Variants in PTPRM observed in about 807,000 individuals in gnomAD.
The protein encoded by PTPRM is protein tyrosine phosphatase receptor type M.
In PTPRM, 47 loss-of-function variants were observed where a neutral mutation model predicts 186.7. The observed-to-expected ratio is 0.25, with a 90% CI of 0.20 to 0.32. The LOEUF is 0.32. Among genes scored for constraint, PTPRM ranks in the 10% least tolerant of loss-of-function variants. PTPRM has a pLI of 1.00. For missense variants in PTPRM, 1,494 were observed against 1,865.0 expected (o/e 0.80, Z 3.66); for synonymous variants, 668 against 674.9 (o/e 0.99, Z 0.16).
chr18:7,898,132 T>G (rs1469830688), intron 3 of PTPRM, among the ~76,000 whole-genome samples: 1 of 152,244 alleles, frequency 6.6e-6, no homozygotes, highest in Non-Finnish European at 1.5e-5. Flanking sequence ...TCTTTAATAT[T>G]AAAGAAACTT....
At chr18:7,792,475 C>A (rs887084473) in intron 2 of PTPRM, among the ~76,000 whole-genome samples, 2 of 152,044 alleles carry the variant, frequency 1.3e-5, no homozygotes, top group Non-Finnish European at 2.9e-5. Flanking sequence ...GTCTATCATC[C>A]CTCTGAAAAC....
chr18:7,721,096 A>G (rs1349994226), intron 1 of PTPRM, among the ~76,000 whole-genome samples: 9 of 151,888 alleles, frequency 5.9e-5, no homozygotes, highest in Non-Finnish European at 1.3e-4. Flanking sequence ...CAATAGTGTG[A>G]AAGGGTTCCG....
chr18:7,666,657 A>G (rs2039103155), intron 1 of PTPRM, among the ~76,000 whole-genome samples: 1 of 152,234 alleles, frequency 6.6e-6, no homozygotes, highest in Non-Finnish European at 1.5e-5. Flanking sequence ...TAGTCAGTAT[A>G]TCAGGAATAC....
intron 1 of PTPRM, among the ~76,000 whole-genome samples, chr18:7,648,240 G>A (rs2038611718): frequency 6.6e-6 from 1 of 152,112 alleles, no homozygotes; most frequent in African/African-American, 2.4e-5. Context: ...ATTGATAAAT[G>A]TGTGCTTTTC....
intron 7 of PTPRM, among the ~76,000 whole-genome samples, chr18:7,993,174 C>G (rs1041493321): frequency 6.6e-6 from 1 of 151,524 alleles, no homozygotes; most frequent in Non-Finnish European, 1.5e-5. Context: ...ATAACCCAGT[C>G]AGACATAAAT....
chr18:8,115,506 C>T (rs1311790454), intron 13 of PTPRM, among the ~76,000 whole-genome samples: 3 of 151,998 alleles, frequency 2.0e-5, no homozygotes, highest in African/African-American at 7.3e-5. Flanking sequence ...TTGTTTTAAC[C>T]GTCACATACA....
At chr18:7,595,416 T>C (rs562866487) in intron 1 of PTPRM, among the ~76,000 whole-genome samples, 1 of 152,202 alleles carries the variant, frequency 6.6e-6, no homozygotes, top group Non-Finnish European at 1.5e-5. Context: ...GAGGATGGAA[T>C]GGCTTTTTTA....
At chr18:8,151,692 GAAAAAA>G (rs1242594668) in intron 14 of PTPRM, among the ~76,000 whole-genome samples, 2 of 105,262 alleles carry the variant, frequency 1.9e-5, no homozygotes, top group Admixed American at 1.0e-4. Flanking sequence ...CTGGGGTATG[GAAAAAA>G]AAAAAAAAAA....
At chr18:7,877,169 T>G (rs1435357343) in intron 2 of PTPRM, among the ~76,000 whole-genome samples, 1 of 152,204 alleles carries the variant, frequency 6.6e-6, no homozygotes, top group Non-Finnish European at 1.5e-5. Flanking sequence ...AATTATTGTA[T>G]CCTTTTGCTC....
rs191051629 is a variant in PTPRM at position 8,364,146 on chromosome 18, C to T, written c.3055-6744C>T. The stretch of plus-strand genomic sequence containing the variant: ...ATGTTTCCCAAGGAAGGTCCCCCTT[C>T]CAAATAAAGCCAGTATGAAAGGAAG... On this transcript the variant is annotated intron_variant, in intron 23 of 32. Transcript: ENST00000580170. Among the ~76,000 whole-genome samples, 472 of 152,258 alleles carry T rather than the reference C, an allele frequency of 3.1e-3. 3 individuals are homozygous for T. The highest frequency in any genetic ancestry group is 0.011 in the African/African-American group (455 of 41,554).
intron 1 of PTPRM, among the ~76,000 whole-genome samples, chr18:7,725,089 G>T (rs1483092383): frequency 6.6e-6 from 1 of 152,124 alleles, no homozygotes; most frequent in African/African-American, 2.4e-5. Flanking sequence ...GTTCATTCTG[G>T]TTATTCACCA....
In PTPRM at chr18:8,215,089, A is replaced by G. The variant is rs535382043; in HGVS notation, c.2301-28969A>G. 2.4e-4 allele frequency among the ~76,000 whole-genome samples: 37 copies of G among 152,288 alleles called. No homozygotes were observed. In the East Asian group the frequency reaches 6.6e-3, roughly 27 times the overall value. ...TACTTTTAAAAAATACCTTCCCTAC[A>G]TCCAGAACTGGGTTTCTGAAAAATA... is the stretch of plus-strand genomic sequence containing the variant. On this transcript the variant is annotated intron_variant, in intron 14 of 32. Coordinates refer to ENST00000580170, the MANE Select transcript of PTPRM (RefSeq NM_001105244.2).
At chr18:8,312,706 C>T (rs528391809) in intron 20 of PTPRM, among the ~76,000 whole-genome samples, 4 of 152,202 alleles carry the variant, frequency 2.6e-5, no homozygotes, top group Admixed American at 2.0e-4. Context: ...CCACCAGCAG[C>T]GATTCTCACC....
rs946991276 is a variant in PTPRM at position 8,384,413 on chromosome 18, G to T, written c.3919-148G>T. 44 of 854,760 alleles carry T rather than the reference G, an allele frequency of 5.1e-5. 1 individual carries two copies. The highest frequency in any genetic ancestry group is 4.6e-4 in the South Asian group (25 of 53,802). 52.9% of individuals were successfully genotyped at this position (854,760 alleles called of 1,614,324 possible). A position where few individuals can be genotyped will look rare whatever the true frequency, so the allele number is the denominator to read the frequency against. On this transcript the variant is annotated intron_variant, in intron 29 of 32. Transcript: ENST00000580170. ...CTCAAGGCTGCAGTGAGCCATGATC[G>T]CACCACTGCACTCTAGCTGGGGAGA...
Position 8,244,150 on chromosome 18 carries a change from A to G in PTPRM, c.2393A>G (p.Gln798Arg). 6.2e-7 allele frequency: 1 copy of G among 1,605,628 alleles called. No homozygotes were observed. Among genetic ancestry groups the G allele is most frequent in the Non-Finnish European group, 8.5e-7 (1 of 1,177,100 alleles). The change falls in exon 15 of 33, where the codon CAG becomes CGG. Residue 798 changes from glutamine (Q) to arginine (R), a missense_variant. Physicochemically the swap from Gln to Arg is conservative, Grantham distance 43. This residue lies in a region of PTPRM where 1,107 missense variants were observed against 1,350.2 expected (regional missense o/e 0.82). Coordinates refer to ENST00000580170, the MANE Select transcript of PTPRM (RefSeq NM_001105244.2). Reference sequence around the variant, plus strand: ...TCAATGGACAAGAGCTATGCTGAGCAGGGCACAAACTGCGACGAGGCTTTC... The same window carrying G: ...TCAATGGACAAGAGCTATGCTGAGCGGGGCACAAACTGCGACGAGGCTTTC... ...VNSMDKSYAEQGTNCDEAFSF... is the reference protein window; with the variant it reads ...VNSMDKSYAERGTNCDEAFSF...
intron 14 of PTPRM, among the ~76,000 whole-genome samples, chr18:8,209,841 G>A (rs2093978119): frequency 6.6e-6 from 1 of 151,776 alleles, no homozygotes; most frequent in Non-Finnish European, 1.5e-5. Flanking sequence ...GGTAAGGGGA[G>A]GGAGAGCATT....
intron 19 of PTPRM, among the ~76,000 whole-genome samples, chr18:8,265,022 A>G (rs2094684477): frequency 6.6e-6 from 1 of 152,202 alleles, no homozygotes; most frequent in African/African-American, 2.4e-5. Flanking sequence ...ACACAGACCT[A>G]TGGAAATAAC....
intron 14 of PTPRM, among the ~76,000 whole-genome samples, chr18:8,160,651 A>T (rs1249714529): frequency 6.6e-6 from 1 of 152,164 alleles, no homozygotes; most frequent in East Asian, 1.9e-4. Flanking sequence ...TAGTTTTTCA[A>T]GTCTTCTATT....
intron 1 of PTPRM, among the ~76,000 whole-genome samples, chr18:7,658,428 C>G (rs2038907486): frequency 6.6e-6 from 1 of 150,898 alleles, no homozygotes; most frequent in Non-Finnish European, 1.5e-5. Context: ...TGGTCGGTCA[C>G]TGATGCAGAC....
Sources: gnomAD v4.1 joint callset for allele counts (sites outside exome capture counted in the v4.1 genomes callset) on GRCh38, gnomAD v4.1.1 for gene constraint, gnomAD v4.1.1 regional missense constraint, MANE v1.5 for transcripts, NCBI Gene and HGNC (gene_info 2026-07-23, HGNC 2026-07-21) for gene names.